Variants in RERE observed in about 807,000 individuals in gnomAD.
RERE encodes arginine-glutamic acid dipeptide repeats.
RERE carries 40 observed loss-of-function variants against 146.1 expected under a neutral mutation model. The ratio of observed to expected loss-of-function variants is 0.27; its 90% CI spans 0.21 to 0.36. The LOEUF (loss-of-function observed/expected upper bound fraction) is 0.36, where lower values mean the gene tolerates loss of function less well. RERE is among the 10% of genes least tolerant of loss of function. The pLI, the probability that RERE is intolerant of heterozygous loss-of-function variation, is 1.00. For missense variants in RERE, 1,933 were observed against 2,138.7 expected, an observed-to-expected ratio of 0.90 and a Z score of 1.90; for synonymous variants, 1,003 against 866.0, an observed-to-expected ratio of 1.16 and a Z score of -2.78.
At chr1:8,774,836 T>C (rs757931588) in intron 1 of RERE, among the ~76,000 whole-genome samples, 12 of 152,028 alleles carry the variant, frequency 7.9e-5, no homozygotes, top group Non-Finnish European at 1.5e-4. Flanking sequence ...AACTCCTCAA[T>C]AGTCCAACCC....
chr1:8,518,419 G>C (rs1312849508), intron 7 of RERE, among the ~76,000 whole-genome samples: 1 of 152,154 alleles, frequency 6.6e-6, no homozygotes, highest in Non-Finnish European at 1.5e-5. Flanking sequence ...CCTTCAGATG[G>C]TAAATATCAC....
At chr1:8,804,996 GTTTT>G (rs1641657868) in intron 1 of RERE, among the ~76,000 whole-genome samples, 3 of 116,348 alleles carry the variant, frequency 2.6e-5, no homozygotes, top group South Asian at 2.7e-4. Flanking sequence ...TTTTTGTTTT[GTTTT>G]GTTTTTGGTT....
intron 1 of RERE, chr1:8,702,926 C>T (rs1296944760): frequency 6.6e-6 from 1 of 152,140 alleles, no homozygotes; most frequent in Non-Finnish European, 1.5e-5. Context: ...TAGGAACACC[C>T]GAGTTCCATC....
intron 12 of RERE, among the ~76,000 whole-genome samples, chr1:8,419,650 C>T (rs754251173): frequency 2.1e-4 from 32 of 152,216 alleles, no homozygotes; most frequent in Non-Finnish European, 4.4e-4. Context: ...GAAGAACAAT[C>T]ATTTCCAAGT....
At chr1:8,433,557 T>TC (rs1294259721) in intron 11 of RERE, among the ~76,000 whole-genome samples, 1 of 149,022 alleles carries the variant, frequency 6.7e-6, no homozygotes, top group African/African-American at 2.5e-5. Flanking sequence ...TCATTTCTTT[T>TC]TTTTTTTTTT....
intron 7 of RERE, among the ~76,000 whole-genome samples, chr1:8,533,984 T>C (rs971697475): frequency 6.6e-6 from 1 of 152,218 alleles, no homozygotes; most frequent in Non-Finnish European, 1.5e-5. Flanking sequence ...CCATCTCCAA[T>C]ATTTTCCATC....
chr1:8,622,299 A>AT (rs1415749999), intron 3 of RERE, among the ~76,000 whole-genome samples: 1 of 152,122 alleles, frequency 6.6e-6, no homozygotes, highest in African/African-American at 2.4e-5. Context: ...CTAATAGGTA[A>AT]AATAAAAATA....
intron 11 of RERE, among the ~76,000 whole-genome samples, chr1:8,433,454 C>T (rs1415027854): frequency 6.6e-6 from 1 of 151,794 alleles, no homozygotes; most frequent in East Asian, 1.9e-4. Context: ...TTTCAGCACA[C>T]ACAAAAAAGA....
chr1:8,650,988 T>A (rs142496106), intron 2 of RERE, among the ~76,000 whole-genome samples: 1 of 151,944 alleles, frequency 6.6e-6, no homozygotes, highest in African/African-American at 2.4e-5. Flanking sequence ...TCCCAGCTAC[T>A]CAGGAGGCTG....
chr1:8,506,638 T>C (rs1470136251), intron 8 of RERE, among the ~76,000 whole-genome samples: 1 of 152,192 alleles, frequency 6.6e-6, no homozygotes, highest in East Asian at 1.9e-4. Context: ...CCAACTCAAG[T>C]GCTAATCATG....
intron 12 of RERE, among the ~76,000 whole-genome samples, chr1:8,385,580 T>C (rs1290279856): frequency 6.6e-6 from 1 of 152,112 alleles, no homozygotes; most frequent in Non-Finnish European, 1.5e-5. Flanking sequence ...AATGATGTAC[T>C]TCCAGCTCCT....
intron 1 of RERE, among the ~76,000 whole-genome samples, chr1:8,741,377 G>A (rs1397255588): frequency 6.6e-6 from 1 of 152,218 alleles, no homozygotes; most frequent in Non-Finnish European, 1.5e-5. Context: ...GTTGAATGAA[G>A]GGGGGTGACA....
chr1:8,617,324 CAA>C (rs1557437716), intron 3 of RERE, among the ~76,000 whole-genome samples: 3 of 102,274 alleles, frequency 2.9e-5, no homozygotes, highest in African/African-American at 1.2e-4. Flanking sequence ...GCCTGGGTGA[CAA>C]GAGTGAAACT....
At chr1:8,579,864 C>T (rs1424649749) in intron 4 of RERE, among the ~76,000 whole-genome samples, 3 of 152,110 alleles carry the variant, frequency 2.0e-5, no homozygotes, top group South Asian at 4.1e-4. Context: ...ATTAGTTGGG[C>T]GTGGTGGCGC....
chr1:8,357,758 G>A (rs1452275625), intron 20 of RERE, among the ~76,000 whole-genome samples: 1 of 152,256 alleles, frequency 6.6e-6, no homozygotes, highest in African/African-American at 2.4e-5. Context: ...AAAGCCAGCA[G>A]GAGGCCTGCC....
intron 11 of RERE, among the ~76,000 whole-genome samples, chr1:8,460,557 A>AT (rs1269223534): frequency 6.6e-6 from 1 of 152,240 alleles, no homozygotes; most frequent in African/African-American, 2.4e-5. Flanking sequence ...ACTACCACAG[A>AT]TTAACTATTT....
In RERE at chr1:8,423,658, C is replaced by T; in HGVS notation, c.1204-851G>A. ...CAAGAGGCCGTCGCCTGTCACTGGGCTCCGGCTCCACAAAGCGCAGGGCGG... is the reference window on the plus strand; with the variant it reads ...CAAGAGGCCGTCGCCTGTCACTGGGTTCCGGCTCCACAAAGCGCAGGGCGG... On this transcript the variant is annotated intron_variant, in intron 11 of 22. Transcript: ENST00000400908. This position sits in a 1 kb window ranked among gnomAD's most constrained non-coding sequence, Gnocchi z 5.4. 1 of 984,562 alleles carries T rather than the reference C, an allele frequency of 1.0e-6. No individual in the cohort carries two copies. The highest frequency in any genetic ancestry group is 1.2e-6 in the Non-Finnish European group (1 of 829,698). The allele number at this position is 984,562 out of a possible 1,614,324, so 61.0% of individuals were successfully genotyped here.
chr1:8,364,966 G>C lies in RERE; in HGVS notation c.1448-128C>G, dbSNP rs551728242. The stretch of plus-strand genomic sequence containing the variant: ...GGCCTACTGCAGGTTCTGGCCACCA[G>C]TCAGAGCGGCTGGGTGCACAGGCTG... On this transcript the variant is annotated intron_variant, in intron 13 of 22. Coordinates refer to ENST00000400908, the MANE Select transcript of RERE (RefSeq NM_001042681.2). The surrounding 1 kb of genome is among the most constrained non-coding windows in gnomAD (Gnocchi z 5.1). 2.9e-6 allele frequency: 2 copies of C among 698,094 alleles called. No homozygotes were observed. Among genetic ancestry groups the C allele is most frequent in the South Asian group, 3.3e-5 (2 of 59,808 alleles). The allele number at this position is 698,094 out of a possible 1,614,324, so 43.2% of individuals were successfully genotyped here.
At chr1:8,455,544 G>C (rs188450830) in intron 11 of RERE, among the ~76,000 whole-genome samples, 147 of 152,238 alleles carry the variant, frequency 9.7e-4, no homozygotes, top group African/African-American at 3.3e-3. Flanking sequence ...GGAAGGAGTT[G>C]GTTGCTCCTT....
Sources: allele counts gnomAD v4.1 joint callset (sites outside exome capture counted in the v4.1 genomes callset), GRCh38; gene constraint gnomAD v4.1.1; non-coding constraint Gnocchi (gnomAD v3.1); transcripts MANE v1.5; gene names NCBI Gene and HGNC (gene_info 2026-07-23, HGNC 2026-07-21).